The following BICC1 variants were observed in gnomAD, a reference collection of about 807,000 sequenced individuals.
BICC1 encodes the protein protein bicaudal C homolog 1.
Under a neutral mutation model 111.0 loss-of-function variants are expected in BICC1, and 43 were observed. The observed-to-expected ratio is 0.39, with a 90% CI of 0.30 to 0.50. The LOEUF is 0.50. Ranked by LOEUF, BICC1 falls within the 20% of genes least tolerant of loss-of-function variation. The probability of loss-of-function intolerance (pLI) is 0.88; values close to 1 mark genes in which losing one functional copy is unlikely to be tolerated. For synonymous variants in BICC1, 467 were observed against 434.4 expected, an observed-to-expected ratio of 1.07 and a Z score of -0.93; for missense variants, 1,091 against 1,203.2, an observed-to-expected ratio of 0.91 and a Z score of 1.38.
At chr10:58,620,467 A>G (rs1006378731) in intron 1 of BICC1, among the ~76,000 whole-genome samples, 11 of 152,236 alleles carry the variant, frequency 7.2e-5, no homozygotes, top group Non-Finnish European at 1.2e-4. Flanking sequence ...AGTAGGCCAT[A>G]TACATGAGCC....
intron 1 of BICC1, among the ~76,000 whole-genome samples, chr10:58,547,872 A>G (rs1843182861): frequency 6.6e-6 from 1 of 152,068 alleles, no homozygotes; most frequent in Admixed American, 6.6e-5. Flanking sequence ...CAAGATGCTC[A>G]TGCACATCTT....
rs573116230 is a variant in BICC1, at chr10:58,521,768, G to GTTTTTT, written c.190+8468_190+8473dup. ...ATGAAAATCAGCCAGGGAATGTGGT[G>GTTTTTT]TTTTTTTTTTTTTTTTTTTTTTTTT... is the stretch of plus-strand genomic sequence containing the variant. On this transcript the variant is annotated intron_variant, in intron 1 of 20. Transcript: ENST00000373886. Among the ~76,000 whole-genome samples, 10 of 112,802 alleles carry GTTTTTT rather than the reference G, an allele frequency of 8.9e-5. 1 individual carries two copies. Among genetic ancestry groups the GTTTTTT allele is most frequent in the East Asian group, 5.4e-4 (2 of 3,696 alleles). 74.0% of individuals were successfully genotyped at this position (112,802 alleles called of 152,430 possible). A position where few individuals can be genotyped will look rare whatever the true frequency, so the allele number is the denominator to read the frequency against.
intron 2 of BICC1, among the ~76,000 whole-genome samples, chr10:58,683,447 A>G (rs1166536168): frequency 6.6e-6 from 1 of 152,216 alleles, no homozygotes; most frequent in East Asian, 1.9e-4. Flanking sequence ...TGGGGATGGC[A>G]TTGAATCTAT....
At chr10:58,653,990 GT>G (rs1373131443) in intron 2 of BICC1, among the ~76,000 whole-genome samples, 1 of 151,378 alleles carries the variant, frequency 6.6e-6, no homozygotes, top group Non-Finnish European at 1.5e-5. Context: ...TTTCATCCAT[GT>G]CCCTACAAAG....
chr10:58,760,051 G>A (rs1842267400), intron 3 of BICC1, among the ~76,000 whole-genome samples: 1 of 151,992 alleles, frequency 6.6e-6, no homozygotes, highest in South Asian at 2.1e-4. Flanking sequence ...GTGACACGAT[G>A]TTAGCTGCTT....
At chr10:58,744,604 ATATTT>A (rs1333637674) in intron 3 of BICC1, among the ~76,000 whole-genome samples, 3 of 152,170 alleles carry the variant, frequency 2.0e-5, no homozygotes, top group East Asian at 1.9e-4. Flanking sequence ...TTGTTGTTTA[ATATTT>A]TATTTTATTA....
chr10:58,734,122 C>T (rs1319288992), intron 3 of BICC1, among the ~76,000 whole-genome samples: 1 of 152,162 alleles, frequency 6.6e-6, no homozygotes, highest in Admixed American at 6.5e-5. Flanking sequence ...TAACACAAAG[C>T]TGGGACTGTG....
At chr10:58,694,282 G>C (rs901490328) in intron 2 of BICC1, among the ~76,000 whole-genome samples, 1 of 152,184 alleles carries the variant, frequency 6.6e-6, no homozygotes, top group African/African-American at 2.4e-5. Flanking sequence ...GGGAGACAAG[G>C]AGTCATCATG....
intron 2 of BICC1, among the ~76,000 whole-genome samples, chr10:58,698,741 G>A (rs572620486): frequency 3.7e-4 from 57 of 152,262 alleles, no homozygotes; most frequent in African/African-American, 1.3e-3. Flanking sequence ...CACTCAGTAC[G>A]TGCCATGCTA....
At chr10:58,625,524 A>G (rs1388486104) in intron 2 of BICC1, among the ~76,000 whole-genome samples, 1 of 152,174 alleles carries the variant, frequency 6.6e-6, no homozygotes, top group Non-Finnish European at 1.5e-5. Context: ...ATTTATTTTA[A>G]TGTAGGACTA....
intron 2 of BICC1, among the ~76,000 whole-genome samples, chr10:58,657,269 G>T (rs1838687230): frequency 1.3e-5 from 2 of 152,158 alleles, no homozygotes; most frequent in South Asian, 4.1e-4. Flanking sequence ...AATGTTCTGT[G>T]TTGTAGTGCA....
chr10:58,795,102 G>A (rs1843309995), intron 9 of BICC1, among the ~76,000 whole-genome samples: 1 of 152,084 alleles, frequency 6.6e-6, no homozygotes, highest in Admixed American at 6.5e-5. Context: ...AAGTAAACAA[G>A]GGAGATGTTC....
chr10:58,523,600 T>C (rs1470001455), intron 1 of BICC1, among the ~76,000 whole-genome samples: 3 of 152,064 alleles, frequency 2.0e-5, no homozygotes, highest in South Asian at 2.1e-4. Context: ...CAGTATCATA[T>C]TGAATGGGCA....
chr10:58,821,995 T>G (rs1844263566), intron 20 of BICC1, among the ~76,000 whole-genome samples: 1 of 152,186 alleles, frequency 6.6e-6, no homozygotes, highest in African/African-American at 2.4e-5. Context: ...TTTTACCATC[T>G]ATGATAATAG....
intron 2 of BICC1, among the ~76,000 whole-genome samples, chr10:58,641,457 T>C (rs1367833295): frequency 2.0e-5 from 3 of 151,570 alleles, no homozygotes; most frequent in Admixed American, 1.3e-4. Flanking sequence ...GGTTGACTTC[T>C]TTTTTTTCTT....
Position 58,789,466 on chromosome 10 carries a change from T to G in BICC1, c.795+10T>G, listed in dbSNP as rs1402344804. On this transcript the variant is annotated intron_variant, in intron 7 of 20. Transcript: ENST00000373886. ...CACTAGTGCTGTGAAGGTAAATTAT[T>G]CAGATAATTCTGCACATCCTATATG... is the stretch of plus-strand genomic sequence containing the variant. The G allele has an allele frequency of 6.2e-7, 1 of 1,602,288 alleles. No individual in the cohort carries two copies. The highest frequency in any genetic ancestry group is 1.7e-5 in the Admixed American group (1 of 59,250).
intron 2 of BICC1, among the ~76,000 whole-genome samples, chr10:58,643,489 A>G (rs1161149310): frequency 6.6e-6 from 1 of 152,238 alleles, no homozygotes; most frequent in Non-Finnish European, 1.5e-5. Flanking sequence ...GCTAGGTTGA[A>G]TGATAGAATT....
chr10:58,585,950 A>G (rs765899236), intron 1 of BICC1, among the ~76,000 whole-genome samples: 36 of 152,178 alleles, frequency 2.4e-4, no homozygotes, highest in Non-Finnish European at 3.7e-4. Flanking sequence ...TAAAATACAC[A>G]GTATGTTAGT....
chr10:58,524,674 C>G (rs1842482258), intron 1 of BICC1, among the ~76,000 whole-genome samples: 1 of 151,804 alleles, frequency 6.6e-6, no homozygotes, highest in Non-Finnish European at 1.5e-5. Context: ...GTCTAAAACA[C>G]CAAAAGCAAT....
Sources: gnomAD v4.1 joint callset for allele counts (sites outside exome capture counted in the v4.1 genomes callset) on GRCh38, gnomAD v4.1.1 for gene constraint, MANE v1.5 for transcripts, NCBI Gene and HGNC (gene_info 2026-07-23, HGNC 2026-07-21) for gene names.